COX20: variants seen among roughly 807,000 people sequenced by gnomAD.
The protein encoded by COX20 is cytochrome c oxidase assembly protein COX20, mitochondrial.
Under a neutral mutation model 14.3 loss-of-function variants are expected in COX20, and 14 were observed. That is an observed-to-expected ratio of 0.98 (90% confidence interval 0.65 to 1.53). The LOEUF (loss-of-function observed/expected upper bound fraction) is 1.53. Among genes scored for constraint, COX20 ranks in the 40% most tolerant of loss-of-function variants. The pLI is 0.00. For synonymous variants in COX20, 56 were observed against 51.7 expected, an observed-to-expected ratio of 1.08 and a Z score of -0.36; for missense variants, 149 against 142.1, an observed-to-expected ratio of 1.05 and a Z score of -0.25.
rs563915166 is a variant in COX20, at chr1:244,839,286, G to A, written c.43-2658G>A. ...TACGGGCACTGAAGCAGATTTAGTG[G>A]TGGAAAATCAACTGTCTCTAATTTG... On this transcript the variant is annotated intron_variant, in intron 1 of 3. Coordinates refer to ENST00000411948, the MANE Select transcript of COX20 (RefSeq NM_198076.6). Among the ~76,000 whole-genome samples, 16 of 152,170 alleles carry A rather than the reference G, an allele frequency of 1.1e-4. No homozygotes were observed. In the East Asian group the frequency reaches 2.9e-3, roughly 28 times the overall value.
intron 1 of COX20, among the ~76,000 whole-genome samples, chr1:244,838,239 A>C (rs188385453): frequency 6.6e-6 from 1 of 152,298 alleles, no homozygotes; most frequent in Admixed American, 6.5e-5. Context: ...TGCCATTAAG[A>C]GGAAGGTTTG....
At chr1:244,836,572 G>T in intron 1 of COX20, 1 of 1,461,534 alleles carries the variant, frequency 6.8e-7, no homozygotes, top group Non-Finnish European at 9.4e-7. Flanking sequence ...TTAAGAGCAG[G>T]GAACCTAATT....
Position 244,843,311 on chromosome 1 carries a change from A to T in COX20, c.*135A>T. 1 of 1,035,220 alleles carries T rather than the reference A, an allele frequency of 9.7e-7. No individual in the cohort carries two copies. Among genetic ancestry groups the T allele is most frequent in the Non-Finnish European group, 1.4e-6 (1 of 715,304 alleles). 64.1% of individuals were successfully genotyped at this position (1,035,220 alleles called of 1,614,324 possible). On this transcript the variant is annotated 3_prime_UTR_variant, in exon 4 of 4. Transcript: ENST00000411948. ...TTTTTTCCCACACTTGTGTGGAATG[A>T]AAACTTGCCAGTTTATTCTGGCCCT...
At position 244,835,711 on chromosome 1, in the gene COX20, C is replaced by G; in HGVS notation, c.-4C>G. 1 of 1,267,530 alleles carries G rather than the reference C, an allele frequency of 7.9e-7. No homozygotes were observed. Among genetic ancestry groups the G allele is most frequent in the Non-Finnish European group, 1.0e-6 (1 of 1,004,316 alleles). The allele number at this position is 1,267,530 out of a possible 1,614,324, so 78.5% of individuals were successfully genotyped here. A position where few individuals can be genotyped will look rare whatever the true frequency, so the allele number is the denominator to read the frequency against. ...AGGGCGGGTGGAGTCGCGGAGTAGT[C>G]CTCATGGCCGCCCCGCCGGAGCCCG... On this transcript the variant is annotated 5_prime_UTR_variant, in exon 1 of 4. Coordinates refer to ENST00000411948, the MANE Select transcript of COX20 (RefSeq NM_198076.6).
At chr1:244,835,635 C>A, upstream of COX20, 2 of 980,858 alleles carry the variant, frequency 2.0e-6, no homozygotes, top group South Asian at 4.8e-5. Context: ...GGGGGCGGGA[C>A]GGGGAGGGGC....
rs1479504712 is a variant in COX20 at position 244,844,934 on chromosome 1, C to CA, written c.*1760dup. On this transcript the variant is annotated 3_prime_UTR_variant, in exon 4 of 4. Coordinates refer to ENST00000411948, the MANE Select transcript of COX20 (RefSeq NM_198076.6). ...AGTTATTCCTTGGTATCCACAGGCC[C>CA]AAGTCCCTTTAAATAAAATACCCTC... 1 of 152,800 alleles carries CA rather than the reference C, an allele frequency of 6.5e-6. No individual in the cohort carries two copies. Among genetic ancestry groups the CA allele is most frequent in the Non-Finnish European group, 1.5e-5 (1 of 68,036 alleles). The allele number at this position is 152,800 out of a possible 1,614,324, so 9.5% of individuals were successfully genotyped here.
At position 244,844,920 on chromosome 1, in the gene COX20, G is replaced by C. The variant is rs1680368352; in HGVS notation, c.*1744G>C. 1 of 152,314 alleles carries C rather than the reference G, an allele frequency of 6.6e-6. No individual in the cohort carries two copies. The highest frequency in any genetic ancestry group is 2.4e-5 in the African/African-American group (1 of 41,372). The allele number at this position is 152,314 out of a possible 1,614,324, so 9.4% of individuals were successfully genotyped here. A position where few individuals can be genotyped will look rare whatever the true frequency, so the allele number is the denominator to read the frequency against. On this transcript the variant is annotated 3_prime_UTR_variant, in exon 4 of 4. Coordinates refer to ENST00000411948, the MANE Select transcript of COX20 (RefSeq NM_198076.6). ...CTCAGTTTTACCTTAGTTATTCCTT[G>C]GTATCCACAGGCCCAAGTCCCTTTA...
chr1:244,842,416 T>C (rs1680244821), intron 3 of COX20, 158 bp downstream of exon 3: 2 of 642,106 alleles, frequency 3.1e-6, no homozygotes, highest in Non-Finnish European at 5.6e-6. Context: ...CTTAAAATGC[T>C]TGAACAGATA....
chr1:244,844,072 TG>T lies in COX20; in HGVS notation c.*900del, dbSNP rs1680327087. 1 of 152,212 alleles carries T rather than the reference TG, an allele frequency of 6.6e-6. No homozygotes were observed. The highest frequency in any genetic ancestry group is 1.9e-4 in the East Asian group (1 of 5,200). 9.4% of individuals were successfully genotyped at this position (152,212 alleles called of 1,614,324 possible). On this transcript the variant is annotated 3_prime_UTR_variant, in exon 4 of 4. Coordinates refer to ENST00000411948, the MANE Select transcript of COX20 (RefSeq NM_198076.6). The stretch of plus-strand genomic sequence containing the variant: ...GCTTAAGAAATGCTTAAAGAAATAT[TG>T]GGGCGAAGGTAACAGCAGTCAACAG...
At chr1:244,840,746 AT>A (rs1398086343) in intron 1 of COX20, 1 of 152,196 alleles carries the variant, frequency 6.6e-6, no homozygotes, top group Non-Finnish European at 1.5e-5. Context: ...AATTGAGAAT[AT>A]CTTCATGTTT....
intron 1 of COX20, chr1:244,841,137 A>G (rs536795504): frequency 2.0e-5 from 3 of 152,340 alleles, no homozygotes; most frequent in Non-Finnish European, 4.4e-5. Context: ...CATAAATCCA[A>G]TGAAGACTGT....
At chr1:244,838,907 A>G (rs1395685318) in intron 1 of COX20, among the ~76,000 whole-genome samples, 1 of 152,020 alleles carries the variant, frequency 6.6e-6, no homozygotes, top group Non-Finnish European at 1.5e-5. Flanking sequence ...ATTCTGCCTC[A>G]GCCTCCCGAG....
At chr1:244,841,890 AC>A (rs1271090223) in intron 1 of COX20, 53 bp from the exon 2 acceptor site, 1 of 1,135,718 alleles carries the variant, frequency 8.8e-7, no homozygotes, top group Non-Finnish European at 1.3e-6. Flanking sequence ...TTGCCAAAGC[AC>A]CCCAAAATGA....
chr1:244,839,037 A>G (rs1046917425), intron 1 of COX20, among the ~76,000 whole-genome samples: 6 of 152,234 alleles, frequency 3.9e-5, no homozygotes, highest in African/African-American at 1.2e-4. Context: ...TGATCCACCC[A>G]CTTTGGCCTC....
At chr1:244,841,875 C>A in intron 1 of COX20, 69 bp from the exon 2 acceptor site, 3 of 922,210 alleles carry the variant, frequency 3.3e-6, no homozygotes, top group Admixed American at 2.2e-5. Flanking sequence ...GGTGTATTGT[C>A]ATTTTTGCCA....
chr1:244,835,662 C>T lies in COX20; in HGVS notation c.-53C>T. ...GGGAGGGGCGCGGCCAGCCGGGCTTCTGCTTCCGCGACCCCGGCGGTGCAG... is the reference window on the plus strand; with the variant it reads ...GGGAGGGGCGCGGCCAGCCGGGCTTTTGCTTCCGCGACCCCGGCGGTGCAG... On this transcript the variant is annotated 5_prime_UTR_variant, in exon 1 of 4. Transcript: ENST00000411948. 6 of 1,229,606 alleles carry T rather than the reference C, an allele frequency of 4.9e-6. No homozygotes were observed. In the South Asian group the frequency reaches 1.5e-4, roughly 31 times the overall value. 76.2% of individuals were successfully genotyped at this position (1,229,606 alleles called of 1,614,324 possible).
At chr1:244,836,608 T>C in intron 1 of COX20, 1 of 1,204,846 alleles carries the variant, frequency 8.3e-7, no homozygotes. Context: ...GAACAGGTAT[T>C]CAGAAAAGAA....
rs12143317 is a variant in COX20 at position 244,841,536 on chromosome 1, A to G, written c.43-408A>G. 3.2e-3 allele frequency: 528 copies of G among 162,622 alleles called. 1 individual carries two copies. Among genetic ancestry groups the G allele is most frequent in the Middle Eastern group, 9.4e-3 (3 of 318 alleles). 10.1% of individuals were successfully genotyped at this position (162,622 alleles called of 1,614,324 possible). A position where few individuals can be genotyped will look rare whatever the true frequency, so the allele number is the denominator to read the frequency against. On this transcript the variant is annotated intron_variant, in intron 1 of 3. Transcript: ENST00000411948. ...GCACTACATAAGCAAACATGACTCA[A>G]ATTACTTTTTCCATTTCTGCTTCCC...
chr1:244,839,504 A>G (rs551376721), intron 1 of COX20, among the ~76,000 whole-genome samples: 2 of 152,184 alleles, frequency 1.3e-5, no homozygotes, highest in Admixed American at 6.5e-5. Flanking sequence ...TATGCAGGCT[A>G]CTTAAGGAAT....
Sources: allele counts gnomAD v4.1 joint callset (sites outside exome capture counted in the v4.1 genomes callset), GRCh38; gene constraint gnomAD v4.1.1; transcripts MANE v1.5; gene names NCBI Gene and HGNC (gene_info 2026-07-23, HGNC 2026-07-21).